The following KSR2 variants were observed in gnomAD, a reference collection of about 807,000 sequenced individuals.
KSR2 encodes kinase suppressor of ras 2.
Under a neutral mutation model 107.8 loss-of-function variants are expected in KSR2, and 25 were observed. The ratio of observed to expected loss-of-function variants is 0.23; its 90% CI spans 0.17 to 0.32. KSR2 has a LOEUF of 0.32. Among genes scored for constraint, KSR2 ranks in the 10% least tolerant of loss-of-function variants. KSR2 has a pLI of 1.00. For synonymous variants in KSR2, 480 were observed against 507.0 expected (o/e 0.95, Z 0.71); for missense variants, 887 against 1,268.9 (o/e 0.70, Z 4.57).
intron 3 of KSR2, among the ~76,000 whole-genome samples, chr12:117,807,027 G>A (rs866999438): frequency 1.2e-4 from 18 of 152,126 alleles, no homozygotes; most frequent in African/African-American, 3.4e-4. Context: ...CGCCTGTTCC[G>A]CTCAGCCCCG....
chr12:117,692,705 G>A (rs1262577403), intron 4 of KSR2, among the ~76,000 whole-genome samples: 1 of 151,842 alleles, frequency 6.6e-6, no homozygotes, highest in African/African-American at 2.4e-5. Context: ...TCCACACAAT[G>A]GAATATTAGC....
At chr12:117,611,463 C>CACACACACACACACACACACACACACACA (rs1555221599) in intron 5 of KSR2, among the ~76,000 whole-genome samples, 1 of 151,994 alleles carries the variant, frequency 6.6e-6, no homozygotes, top group South Asian at 2.1e-4. Context: ...CACACACACA[C>CACACACACACACACACACACACACACACA]GTGTATCCAC....
intron 1 of KSR2, among the ~76,000 whole-genome samples, chr12:117,932,596 C>A (rs763758910): frequency 6.6e-6 from 1 of 152,160 alleles, no homozygotes; most frequent in Non-Finnish European, 1.5e-5. Flanking sequence ...GTGGCACACA[C>A]CTGCAGTCCC....
intron 10 of KSR2, among the ~76,000 whole-genome samples, chr12:117,537,255 A>G (rs767670368): frequency 3.5e-4 from 54 of 152,250 alleles, no homozygotes; most frequent in South Asian, 2.3e-3. Flanking sequence ...GAAAATGCCA[A>G]ATTACCTTCC....
chr12:117,473,472 T>C (rs945356495), intron 17 of KSR2, among the ~76,000 whole-genome samples: 1 of 152,170 alleles, frequency 6.6e-6, no homozygotes, highest in Non-Finnish European at 1.5e-5. Flanking sequence ...ATGGTGCCAC[T>C]GGCCAACGTG....
intron 14 of KSR2, among the ~76,000 whole-genome samples, chr12:117,505,923 C>A (rs1474589349): frequency 6.6e-6 from 1 of 152,162 alleles, no homozygotes; most frequent in Non-Finnish European, 1.5e-5. Flanking sequence ...TCTTCATGCC[C>A]TTTGCACACC....
chr12:117,683,406 T>C (rs1885448597), intron 4 of KSR2, among the ~76,000 whole-genome samples: 1 of 152,212 alleles, frequency 6.6e-6, no homozygotes, highest in Non-Finnish European at 1.5e-5. Context: ...TTTTGTTTCC[T>C]AAATGGCTGC....
chr12:117,772,083 C>G, intron 3 of KSR2, among the ~76,000 whole-genome samples: 1 of 146,828 alleles, frequency 6.8e-6, no homozygotes, highest in East Asian at 2.1e-4. Flanking sequence ...CCCCCAAAGA[C>G]ACAAAAACAC....
chr12:117,871,564 C>G (rs1893653458), intron 1 of KSR2, among the ~76,000 whole-genome samples: 1 of 151,616 alleles, frequency 6.6e-6, no homozygotes, highest in African/African-American at 2.4e-5. Flanking sequence ...CCACTGCACT[C>G]CAGCCTGGGC....
At chr12:117,705,127 T>C (rs1265639889) in intron 4 of KSR2, among the ~76,000 whole-genome samples, 1 of 152,072 alleles carries the variant, frequency 6.6e-6, no homozygotes, top group East Asian at 1.9e-4. Context: ...GATGAGTTCA[T>C]TACAGTGAAT....
intron 4 of KSR2, among the ~76,000 whole-genome samples, chr12:117,722,057 AT>A (rs1227436986): frequency 1.6e-4 from 25 of 152,070 alleles, no homozygotes; most frequent in South Asian, 4.2e-4. Flanking sequence ...TTTTTTTAAC[AT>A]TTTTTTAAGG....
intron 1 of KSR2, among the ~76,000 whole-genome samples, chr12:117,893,547 T>C (rs1039152536): frequency 6.6e-6 from 1 of 152,182 alleles, no homozygotes; most frequent in African/African-American, 2.4e-5. Context: ...CACCACCCAC[T>C]ACCTGTGAGA....
chr12:117,527,692 G>T (rs972832215), intron 12 of KSR2, among the ~76,000 whole-genome samples: 1 of 152,136 alleles, frequency 6.6e-6, no homozygotes, highest in African/African-American at 2.4e-5. Context: ...AAACTGGCAC[G>T]GCTTCTGACC....
At chr12:117,769,527 T>C (rs528397362) in intron 3 of KSR2, among the ~76,000 whole-genome samples, 267 of 152,350 alleles carry the variant, frequency 1.8e-3, no homozygotes, top group Non-Finnish European at 3.2e-3. Context: ...ACTCCGTTTC[T>C]TCATCTGTAG....
chr12:117,952,984 CAAAAAA>C (rs33941668), intron 1 of KSR2, among the ~76,000 whole-genome samples: 9 of 100,810 alleles, frequency 8.9e-5, no homozygotes, highest in East Asian at 3.1e-4. Flanking sequence ...GACTCCATCT[CAAAAAA>C]AAAAAAAAAA....
At chr12:117,922,965 G>T (rs182741383) in intron 1 of KSR2, among the ~76,000 whole-genome samples, 4 of 152,174 alleles carry the variant, frequency 2.6e-5, no homozygotes, top group African/African-American at 9.7e-5. Flanking sequence ...TGAGCTGCCC[G>T]ATGTACATGA....
chr12:117,832,345 G>T (rs1892005951), intron 3 of KSR2, among the ~76,000 whole-genome samples: 1 of 152,104 alleles, frequency 6.6e-6, no homozygotes, highest in East Asian at 1.9e-4. Flanking sequence ...TTTTAGGGGA[G>T]GAAACCAGAG....
At chr12:117,943,624 T>C (rs1896080239) in intron 1 of KSR2, among the ~76,000 whole-genome samples, 1 of 150,768 alleles carries the variant, frequency 6.6e-6, no homozygotes, top group Admixed American at 6.6e-5. Flanking sequence ...ATACATACAA[T>C]GGAATATTAT....
Position 117,485,721 on chromosome 12 carries a change from T to C in KSR2, c.2220-30A>G, listed in dbSNP as rs143760170. On this transcript the variant is annotated intron_variant, in intron 14 of 19. Transcript: ENST00000339824. Reference sequence around the variant, plus strand: ...AAAGCAAAAGGACAAGATAAATTAATGGCAGTCGTTCAGAAGAAGGTGACC... The same window carrying C: ...AAAGCAAAAGGACAAGATAAATTAACGGCAGTCGTTCAGAAGAAGGTGACC... 2.6e-5 allele frequency: 39 copies of C among 1,499,106 alleles called. No homozygotes were observed. The East Asian group carries it at 7.9e-4, about 30-fold the overall frequency. 92.9% of individuals were successfully genotyped at this position (1,499,106 alleles called of 1,614,324 possible).
Sources: gnomAD v4.1 joint callset for allele counts (sites outside exome capture counted in the v4.1 genomes callset) on GRCh38, gnomAD v4.1.1 for gene constraint, MANE v1.5 for transcripts, NCBI Gene and HGNC (gene_info 2026-07-23, HGNC 2026-07-21) for gene names.